The following NDST3 variants were observed in gnomAD, a reference collection of about 807,000 sequenced individuals.
The protein encoded by NDST3 is bifunctional heparan sulfate N-deacetylase/N-sulfotransferase 3.
A neutral mutation model predicts 96.1 loss-of-function variants in NDST3; 58 were observed. The ratio of observed to expected loss-of-function variants is 0.60; its 90% CI spans 0.49 to 0.75. NDST3 has a LOEUF of 0.75. Ranked by LOEUF, NDST3 falls within the 30% of genes least tolerant of loss-of-function variation. The probability of loss-of-function intolerance (pLI) is 0.00; values close to 1 mark genes in which losing one functional copy is unlikely to be tolerated. For synonymous variants in NDST3, 333 were observed against 359.7 expected, an observed-to-expected ratio of 0.93 and a Z score of 0.84; for missense variants, 788 against 1,034.2, an observed-to-expected ratio of 0.76 and a Z score of 3.27.
At chr4:118,108,175 C>A (rs1278929129) in intron 3 of NDST3, among the ~76,000 whole-genome samples, 1 of 152,152 alleles carries the variant, frequency 6.6e-6, no homozygotes, top group East Asian at 1.9e-4. Context: ...CTCCAACCAG[C>A]CCCAGCCTTG....
chr4:118,083,708 T>G (rs1234443972), intron 2 of NDST3, among the ~76,000 whole-genome samples: 1 of 152,174 alleles, frequency 6.6e-6, no homozygotes, highest in Non-Finnish European at 1.5e-5. Flanking sequence ...TGCTTTCATG[T>G]ATTATTTCAT....
At chr4:118,052,411 C>T (rs144781033) in intron 1 of NDST3, among the ~76,000 whole-genome samples, 4 of 151,894 alleles carry the variant, frequency 2.6e-5, no homozygotes, top group Non-Finnish European at 4.4e-5. Flanking sequence ...AGGACATACA[C>T]GGTGGAAAAA....
chr4:118,043,604 G>A (rs993529394), intron 1 of NDST3, among the ~76,000 whole-genome samples: 4 of 152,240 alleles, frequency 2.6e-5, no homozygotes, highest in African/African-American at 9.6e-5. Context: ...TGCCTCACAA[G>A]TGAAGGGCTC....
intron 1 of NDST3, among the ~76,000 whole-genome samples, chr4:118,045,611 T>C (rs539174952): frequency 9.5e-4 from 145 of 152,346 alleles, no homozygotes; most frequent in African/African-American, 3.3e-3. Context: ...TAGAATGTTA[T>C]ATTATTCATA....
chr4:118,208,935 C>G (rs972321450), intron 6 of NDST3, among the ~76,000 whole-genome samples: 5 of 131,482 alleles, frequency 3.8e-5, no homozygotes, highest in African/African-American at 5.6e-5. Flanking sequence ...CCTCTCCCCC[C>G]AGAGTGAATT....
chr4:118,143,802 T>A, intron 6 of NDST3, 118 bp downstream of exon 6: 3 of 1,133,168 alleles, frequency 2.6e-6, no homozygotes, highest in Non-Finnish European at 3.6e-6. Flanking sequence ...GTTCTAGCTC[T>A]GAAACAGTAG....
intron 3 of NDST3, among the ~76,000 whole-genome samples, chr4:118,107,834 G>C (rs1452821835): frequency 6.6e-6 from 1 of 152,134 alleles, no homozygotes; most frequent in Non-Finnish European, 1.5e-5. Flanking sequence ...ACAAGTATAG[G>C]ATATCTGTGG....
intron 4 of NDST3, among the ~76,000 whole-genome samples, chr4:118,126,206 T>C (rs988036314): frequency 6.6e-6 from 1 of 152,068 alleles, no homozygotes. Flanking sequence ...AAATAGTACA[T>C]ATTATTCATG....
At chr4:118,105,220 T>C (rs1730074311) in intron 3 of NDST3, 115 bp downstream of exon 3, 1 of 667,440 alleles carries the variant, frequency 1.5e-6, no homozygotes, top group South Asian at 2.5e-5. Context: ...CCCAGCATTT[T>C]ATCATTCAAT....
chr4:118,247,203 G>A (rs1301971311), intron 12 of NDST3, among the ~76,000 whole-genome samples: 4 of 23,876 alleles, frequency 1.7e-4, no homozygotes, highest in African/African-American at 6.2e-4. Flanking sequence ...CACCAGGGGG[G>A]TTTAAAAAAA....
intron 6 of NDST3, among the ~76,000 whole-genome samples, chr4:118,224,138 A>T (rs1371831127): frequency 6.6e-6 from 1 of 152,170 alleles, no homozygotes; most frequent in Non-Finnish European, 1.5e-5. Flanking sequence ...TATTGGGAAT[A>T]ATGGAACTAA....
intron 6 of NDST3, among the ~76,000 whole-genome samples, chr4:118,196,028 C>A (rs147675583): frequency 2.6e-5 from 4 of 152,110 alleles, no homozygotes; most frequent in African/African-American, 7.2e-5. Flanking sequence ...TCCTTCTATA[C>A]GCAGTTTTTT....
intron 6 of NDST3, among the ~76,000 whole-genome samples, chr4:118,201,307 G>A (rs940842718): frequency 3.3e-5 from 5 of 152,198 alleles, no homozygotes; most frequent in African/African-American, 1.2e-4. Context: ...ACCTAGTAAT[G>A]GTATGGCTGA....
chr4:118,131,070 T>C (rs1394814151), intron 4 of NDST3, among the ~76,000 whole-genome samples: 1 of 152,206 alleles, frequency 6.6e-6, no homozygotes, highest in Non-Finnish European at 1.5e-5. Context: ...TTAATCTGCT[T>C]GGTGCTCCAT....
chr4:118,100,336 C>A (rs1320421495), intron 2 of NDST3, among the ~76,000 whole-genome samples: 1 of 152,006 alleles, frequency 6.6e-6, no homozygotes, highest in Non-Finnish European at 1.5e-5. Context: ...ACCACCACCA[C>A]CAATTTCTCA....
At chr4:118,163,720 G>A (rs111625696) in intron 6 of NDST3, among the ~76,000 whole-genome samples, 2 of 151,922 alleles carry the variant, frequency 1.3e-5, no homozygotes, top group African/African-American at 4.8e-5. Context: ...CCTGCACATT[G>A]TGAACATATA....
intron 6 of NDST3, among the ~76,000 whole-genome samples, chr4:118,208,291 T>C (rs1738575305): frequency 6.9e-6 from 1 of 144,276 alleles, no homozygotes; most frequent in East Asian, 2.0e-4. Flanking sequence ...TCACTGCAGC[T>C]GAAACAGCCC....
At chr4:118,190,831 A>C (rs942622636) in intron 6 of NDST3, among the ~76,000 whole-genome samples, 3 of 152,226 alleles carry the variant, frequency 2.0e-5, no homozygotes, top group African/African-American at 7.2e-5. Context: ...TCCACAGTCA[A>C]ATCAAGCAAG....
At chr4:118,234,991 T>C (rs1435177297) in intron 9 of NDST3, among the ~76,000 whole-genome samples, 1 of 149,422 alleles carries the variant, frequency 6.7e-6, no homozygotes, top group Admixed American at 6.7e-5. Flanking sequence ...GATCGTGCCA[T>C]TGTACTCCAG....
Sources: allele counts gnomAD v4.1 joint callset (sites outside exome capture counted in the v4.1 genomes callset), GRCh38; gene constraint gnomAD v4.1.1; transcripts MANE v1.5; gene names NCBI Gene and HGNC (gene_info 2026-07-23, HGNC 2026-07-21).